Variants in CRB2 observed in about 807,000 individuals in gnomAD.
CRB2 encodes the protein crumbs cell polarity complex component 2.
In CRB2, 85 loss-of-function variants were observed where a neutral mutation model predicts 110.9. The ratio of observed to expected loss-of-function variants is 0.77; its 90% CI spans 0.64 to 0.92. The LOEUF is 0.92. Ranked by LOEUF, CRB2 falls within the 40% of genes least tolerant of loss-of-function variation. CRB2 has a pLI of 0.00. For synonymous variants in CRB2, 907 were observed against 831.0 expected (o/e 1.09, Z -1.57); for missense variants, 1,843 against 1,851.3 (o/e 1.00, Z 0.08).
chr9:123,362,933 G>T lies in CRB2; in HGVS notation c.163G>T (p.Ala55Ser). The change falls in exon 2 of 13, where the codon GCT (alanine) becomes TCT (serine). Residue 55 changes from alanine to serine, a missense_variant. By Grantham distance (99) the Ala-to-Ser change is moderately conservative. Coordinates refer to ENST00000373631, the MANE Select transcript of CRB2 (RefSeq NM_173689.7). Reference protein sequence around the residue: ...DPCAPGTECQATESGGYTCGP... With the variant: ...DPCAPGTECQSTESGGYTCGP... ...GTGCGCTCCAGGGACCGAGTGCCAG[G>T]CTACCGAGAGTGGTGGCTATACCTG... The T allele has an allele frequency of 6.2e-7, 1 of 1,603,398 alleles. No individual in the cohort carries two copies. The highest frequency in any genetic ancestry group is 2.2e-5 in the East Asian group (1 of 44,566).
intron 6 of CRB2, among the ~76,000 whole-genome samples, chr9:123,368,536 C>T (rs1485011673): frequency 2.0e-5 from 3 of 152,264 alleles, no homozygotes; most frequent in African/African-American, 7.2e-5. Context: ...GCCACAGCCC[C>T]ATGAGGCAGG....
chr9:123,373,500 C>T lies in CRB2; in HGVS notation c.2969C>T (p.Ala990Val). Residue 990 changes from alanine to valine, a missense_variant, in exon 10 of 13, where the codon GCC becomes GTC. Ala to Val is a moderately conservative substitution (Grantham distance 64). Coordinates refer to ENST00000373631, the MANE Select transcript of CRB2 (RefSeq NM_173689.7). ...AATPVALRGL[A>V]SDLGFLQGPG... is the part of the protein sequence containing the mutation. ...ACCCCGGTGGCGCTGCGCGGCCTGG[C>T]CAGTGACCTGGGCTTCCTGCAGGGC... 1 of 1,463,220 alleles carries T rather than the reference C, an allele frequency of 6.8e-7. No homozygotes were observed. Among genetic ancestry groups the T allele is most frequent in the Non-Finnish European group, 9.0e-7 (1 of 1,116,770 alleles). The allele number at this position is 1,463,220 out of a possible 1,614,324, so 90.6% of individuals were successfully genotyped here.
chr9:123,374,280 G>C (rs1269430535), intron 10 of CRB2, among the ~76,000 whole-genome samples: 1 of 152,018 alleles, frequency 6.6e-6, no homozygotes. Flanking sequence ...GTGTGGAAGG[G>C]GATCTGGCTG....
At chr9:123,355,728 TG>T (rs2041790047), upstream of CRB2, among the ~76,000 whole-genome samples, 1 of 13,694 alleles carries the variant, frequency 7.3e-5, no homozygotes, top group African/African-American at 2.9e-4. Flanking sequence ...GAGCAGCAGG[TG>T]GGGGGACGAG....
downstream of CRB2, chr9:123,378,799 T>TTTG (rs2042149269): frequency 2.8e-5 from 1 of 35,912 alleles, no homozygotes; most frequent in Admixed American, 4.2e-4. Context: ...CGGGTGCCTG[T>TTTG]TTTTTGTTTT....
At chr9:123,379,885 A>AATCT (rs1476581340), downstream of CRB2, 6 of 152,224 alleles carry the variant, frequency 3.9e-5, no homozygotes, top group African/African-American at 1.4e-4. Flanking sequence ...GCGAAACTGG[A>AATCT]ATCTATGCTG....
Position 123,373,133 on chromosome 9 carries a change from G to T in CRB2, c.2603-1G>T. 1 of 1,500,932 alleles carries T rather than the reference G, an allele frequency of 6.7e-7. No individual in the cohort carries two copies. The highest frequency in any genetic ancestry group is 8.9e-7 in the Non-Finnish European group (1 of 1,129,698). 93.0% of individuals were successfully genotyped at this position (1,500,932 alleles called of 1,614,324 possible). ...TTCCCTGAGGCTCCTTCTCTCCGCA[G>T]GTGTGGCGGAGGCCACGTTCCGCGA... On this transcript the variant is annotated splice_acceptor_variant, in intron 9 of 12. Coordinates refer to ENST00000373631, the MANE Select transcript of CRB2 (RefSeq NM_173689.7). LOFTEE classifies it high-confidence loss of function.
chr9:123,356,038 G>T, upstream of CRB2: 1 of 419,480 alleles, frequency 2.4e-6, no homozygotes, highest in Non-Finnish European at 4.2e-6. Flanking sequence ...AGCCCCACAG[G>T]CTAGGGGGCT....
In CRB2 at chr9:123,370,880, C is replaced by A. The variant is rs1388484958; in HGVS notation, c.1827C>A (p.Cys609Ter). 1.2e-6 allele frequency: 2 copies of A among 1,611,758 alleles called. No individual in the cohort carries two copies. Among genetic ancestry groups the A allele is most frequent in the Admixed American group, 1.7e-5 (1 of 60,016 alleles). The change falls in exon 7 of 13, where the codon TGC becomes TGA. Residue 609 changes from cysteine to a stop codon, truncating the protein, a stop_gained. Coordinates refer to ENST00000373631, the MANE Select transcript of CRB2 (RefSeq NM_173689.7). LOFTEE classifies it high-confidence loss of function. ...TGGGCTGTGAGCGCCGAGAGCAGTG[C>A]CGGCCTCTGCCTTGTGTCCACGGAG... The part of the protein sequence containing the change: ...VLLGCERREQ[C>*]RPLPCVHGGS...
Position 123,375,237 on chromosome 9 carries a change from C to T in CRB2, c.3527C>T (p.Pro1176Leu). 2 of 1,612,612 alleles carry T rather than the reference C, an allele frequency of 1.2e-6. No individual in the cohort carries two copies. The highest frequency in any genetic ancestry group is 2.2e-5 in the South Asian group (2 of 90,846). Residue 1176 changes from proline to leucine, a missense_variant, in exon 12 of 13, where the codon CCC becomes CTC. Transcript: ENST00000373631. ...AGQRCQVPTLPCEANPCLNGG... is the reference protein window; with the variant it reads ...AGQRCQVPTLLCEANPCLNGG... ...TCCAGGTGTCAGGTCCCCACTCTCCCCTGTGAAGCCAACCCCTGCTTGAAT... is the reference window on the plus strand; with the variant it reads ...TCCAGGTGTCAGGTCCCCACTCTCCTCTGTGAAGCCAACCCCTGCTTGAAT...
chr9:123,371,817 TGA>T (rs1290680348), intron 8 of CRB2, among the ~76,000 whole-genome samples: 3 of 152,120 alleles, frequency 2.0e-5, no homozygotes, highest in Non-Finnish European at 2.9e-5. Context: ...AGTCCTGGTG[TGA>T]GAGAGACACC....
Position 123,363,107 on chromosome 9 carries a change from G to T in CRB2, c.337G>T (p.Ala113Ser). 2 of 1,611,158 alleles carry T rather than the reference G, an allele frequency of 1.2e-6. No individual in the cohort carries two copies. The highest frequency in any genetic ancestry group is 8.5e-7 in the Non-Finnish European group (1 of 1,179,900). ...PRCELDIDEC[A>S]SRPCHHGATC... The stretch of plus-strand genomic sequence containing the variant: ...CTGCGAGCTGGACATCGATGAGTGT[G>T]CATCCCGGCCGTGCCACCATGGGGC... Residue 113 changes from alanine (A) to serine (S), a missense_variant, in exon 2 of 13, where the codon GCA (alanine) becomes TCA (serine). Ala to Ser is a moderately conservative substitution (Grantham distance 99). Coordinates refer to ENST00000373631, the MANE Select transcript of CRB2 (RefSeq NM_173689.7).
downstream of CRB2, among the ~76,000 whole-genome samples, chr9:123,379,008 T>C (rs1255526356): frequency 6.6e-6 from 1 of 151,658 alleles, no homozygotes; most frequent in East Asian, 1.9e-4. Flanking sequence ...AGGCTGGTCT[T>C]GAACTCCTGA....
chr9:123,359,445 T>G (rs1197759601), intron 1 of CRB2, among the ~76,000 whole-genome samples: 1 of 122,264 alleles, frequency 8.2e-6, no homozygotes, highest in Non-Finnish European at 1.6e-5. Context: ...TGTTTTGTTT[T>G]TTTTTTTTTT....
intron 9 of CRB2, 134 bp downstream of exon 9, chr9:123,372,476 C>A: frequency 8.7e-7 from 1 of 1,147,622 alleles, no homozygotes; most frequent in Non-Finnish European, 1.2e-6. Context: ...GTGGCGGGGC[C>A]ACCGCATGTA....
At position 123,369,293 on chromosome 9, in the gene CRB2, A is replaced by T. The variant is rs146013846; in HGVS notation, c.1055-815A>T. Among the ~76,000 whole-genome samples, 109 of 152,310 alleles carry T rather than the reference A, an allele frequency of 7.2e-4. 2 individuals carry two copies. The highest frequency in any genetic ancestry group is 2.5e-3 in the African/African-American group (104 of 41,562). ...ACTACCCCACTAGCTCCTCCATGCC[A>T]TCACTCTGTCCATAAAAGCCATGTC... On this transcript the variant is annotated intron_variant, in intron 6 of 12. Coordinates refer to ENST00000373631, the MANE Select transcript of CRB2 (RefSeq NM_173689.7).
Position 123,365,969 on chromosome 9 carries a change from C to T in CRB2, c.471C>T (p.His157=), listed in dbSNP as rs113157023. 70 of 1,597,512 alleles carry T rather than the reference C, an allele frequency of 4.4e-5. 1 individual carries two copies. The highest frequency in any genetic ancestry group is 2.3e-4 in the Admixed American group (14 of 59,902). The stretch of plus-strand genomic sequence containing the variant: ...AGTGCGCCTCAGCGCCCTGCCTGCA[C>T]GGGGGCTCGTGCCTGGACGGCGTGG... ...VDECASAPCL[H]GGSCLDGVGS... The change falls in exon 3 of 13, where the codon CAC becomes CAT. Residue 157 remains histidine (H), a synonymous_variant. Transcript: ENST00000373631.
chr9:123,362,856 T>C lies in CRB2; in HGVS notation c.95-9T>C, dbSNP rs1201847620. 9 of 1,562,304 alleles carry C rather than the reference T, an allele frequency of 5.8e-6. 1 individual carries two copies. In the Admixed American group the frequency reaches 1.1e-4, roughly 19 times the overall value. On this transcript the variant is annotated splice_polypyrimidine_tract_variant and intron_variant, in intron 1 of 12. Coordinates refer to ENST00000373631, the MANE Select transcript of CRB2 (RefSeq NM_173689.7). Reference sequence around the variant, plus strand: ...CCCACCCTGCCCAGCCAGTTTCTTCTTTCTACAGGGACGGTGCCTTCAGAG... The same window carrying C: ...CCCACCCTGCCCAGCCAGTTTCTTCCTTCTACAGGGACGGTGCCTTCAGAG...
In CRB2 at chr9:123,373,221, CGCTG is replaced by C. The variant is rs1564376808; in HGVS notation, c.2693_2696del (p.Leu898ProfsTer242). 1 of 1,508,946 alleles carries C rather than the reference CGCTG, an allele frequency of 6.6e-7. No individual in the cohort carries two copies. The highest frequency in any genetic ancestry group is 8.8e-7 in the Non-Finnish European group (1 of 1,135,984). 93.5% of individuals were successfully genotyped at this position (1,508,946 alleles called of 1,614,324 possible). A position where few individuals can be genotyped will look rare whatever the true frequency, so the allele number is the denominator to read the frequency against. On this transcript the variant is annotated frameshift_variant, in exon 10 of 13. Coordinates refer to ENST00000373631, the MANE Select transcript of CRB2 (RefSeq NM_173689.7). LOFTEE classifies it high-confidence loss of function. ...TCAGGGCGCTTGCTCGGCGGCCTGT[CGCTG>C]GCCTTTCGCACGCGCGACTCCGAGG... is the stretch of plus-strand genomic sequence containing the variant.
Sources: allele counts gnomAD v4.1 joint callset (sites outside exome capture counted in the v4.1 genomes callset), GRCh38; gene constraint gnomAD v4.1.1; transcripts MANE v1.5; gene names NCBI Gene and HGNC (gene_info 2026-07-23, HGNC 2026-07-21).